MIPEP: variants seen among roughly 807,000 people sequenced by gnomAD.
MIPEP encodes mitochondrial intermediate peptidase.
Under a neutral mutation model 90.3 loss-of-function variants are expected in MIPEP, and 79 were observed. The observed-to-expected ratio is 0.87, with a 90% CI of 0.73 to 1.05. The LOEUF (loss-of-function observed/expected upper bound fraction) is 1.05, where lower values mean the gene tolerates loss of function less well. MIPEP is among the 50% of genes least tolerant of loss of function. The pLI is 0.00. For missense variants in MIPEP, 940 were observed against 905.6 expected (o/e 1.04, Z -0.49); for synonymous variants, 334 against 315.8 (o/e 1.06, Z -0.61).
At chr13:23,880,852 C>G (rs888847200) in intron 3 of MIPEP, among the ~76,000 whole-genome samples, 2 of 152,222 alleles carry the variant, frequency 1.3e-5, no homozygotes, top group African/African-American at 4.8e-5. Flanking sequence ...ACCAGAGAAG[C>G]CATCACTCTC....
Position 23,886,476 on chromosome 13 carries a change from G to A in MIPEP, c.220C>T (p.Pro74Ser), listed in dbSNP as rs1472536586. 6.3e-7 allele frequency: 1 copy of A among 1,597,638 alleles called. No individual in the cohort carries two copies. Among genetic ancestry groups the A allele is most frequent in the Non-Finnish European group, 8.5e-7 (1 of 1,171,384 alleles). ...GLFGVPELSA[P>S]EGFHIAQEKA... ...TCTTGTGCAATATGAAATCCTTCTG[G>A]GGCACTCAGCTCAGGAACTCCAAAA... Residue 74 changes from proline (P) to serine (S), a missense_variant, in exon 2 of 19, where the codon CCA (proline) becomes TCA (serine). Pro to Ser is a moderately conservative substitution (Grantham distance 74, BLOSUM62 -1). Transcript: ENST00000382172.
intron 10 of MIPEP, among the ~76,000 whole-genome samples, chr13:23,856,030 A>G (rs1266560585): frequency 6.6e-6 from 1 of 152,224 alleles, no homozygotes; most frequent in African/African-American, 2.4e-5. Flanking sequence ...AAGTTTGAAT[A>G]GGGGCTATGA....
intron 16 of MIPEP, among the ~76,000 whole-genome samples, chr13:23,779,798 C>T (rs78027110): frequency 2.6e-5 from 4 of 152,310 alleles, no homozygotes; most frequent in East Asian, 1.9e-4. Context: ...AAACGGCACA[C>T]GAGGAGATTA....
chr13:23,875,553 T>C (rs1871036528), intron 4 of MIPEP, among the ~76,000 whole-genome samples: 1 of 151,886 alleles, frequency 6.6e-6, no homozygotes, highest in African/African-American at 2.4e-5. Context: ...TCAATGGTAT[T>C]TTTTTTAAAA....
intron 15 of MIPEP, among the ~76,000 whole-genome samples, chr13:23,807,068 G>A (rs1294816812): frequency 6.6e-6 from 1 of 152,110 alleles, no homozygotes; most frequent in Non-Finnish European, 1.5e-5. Flanking sequence ...CTGCTGTATA[G>A]GGAGGGCTCA....
At chr13:23,766,179 T>G (rs9553055) in intron 16 of MIPEP, 27,061 of 152,218 alleles carry the variant, frequency 0.18, 2,834 homozygotes, top group Non-Finnish European at 0.24. Flanking sequence ...AATAGTTCTT[T>G]GACTACATTA....
At chr13:23,802,263 A>C (rs962894898) in intron 16 of MIPEP, among the ~76,000 whole-genome samples, 6 of 152,174 alleles carry the variant, frequency 3.9e-5, no homozygotes, top group African/African-American at 4.8e-5. Flanking sequence ...TGTTTATTCA[A>C]AGTAATTTAA....
intron 14 of MIPEP, among the ~76,000 whole-genome samples, chr13:23,826,226 T>C (rs991341116): frequency 6.6e-6 from 1 of 152,138 alleles, no homozygotes; most frequent in Non-Finnish European, 1.5e-5. Flanking sequence ...GGAAATTATA[T>C]ATCTATCATT....
chr13:23,797,805 T>C (rs776663760), intron 16 of MIPEP, among the ~76,000 whole-genome samples: 10 of 152,242 alleles, frequency 6.6e-5, no homozygotes, highest in Non-Finnish European at 8.8e-5. Flanking sequence ...AGCCTCGGTA[T>C]TAGTTGTATA....
At position 23,881,547 on chromosome 13, in the gene MIPEP, T is replaced by C. The variant is rs3794340; in HGVS notation, c.452+152A>G. On this transcript the variant is annotated intron_variant, in intron 3 of 18. Transcript: ENST00000382172. ...TGCGAGGTGAGCCAATGGCCTGTCC[T>C]GAGCCCTCCCTCCGGCCACCCCTGG... 0.24 allele frequency: 158,522 copies of C among 649,636 alleles called. 20,868 individuals are homozygous for C. Among genetic ancestry groups the C allele is most frequent in the East Asian group, 0.42 (15,093 of 36,198 alleles). The allele number at this position is 649,636 out of a possible 1,614,324, so 40.2% of individuals were successfully genotyped here. A position where few individuals can be genotyped will look rare whatever the true frequency, so the allele number is the denominator to read the frequency against.
At chr13:23,798,888 T>C (rs972638965) in intron 16 of MIPEP, among the ~76,000 whole-genome samples, 3 of 152,022 alleles carry the variant, frequency 2.0e-5, no homozygotes, top group Non-Finnish European at 2.9e-5. Flanking sequence ...AAACCTCTTT[T>C]CCGTATAAAT....
chr13:23,805,096 C>G (rs1160410550), intron 16 of MIPEP, among the ~76,000 whole-genome samples: 1 of 152,244 alleles, frequency 6.6e-6, no homozygotes, highest in Admixed American at 6.5e-5. Flanking sequence ...CTGCACCTTT[C>G]AGTTACAAGA....
At chr13:23,748,485 G>T (rs1478528429) in intron 18 of MIPEP, among the ~76,000 whole-genome samples, 1 of 152,166 alleles carries the variant, frequency 6.6e-6, no homozygotes, top group Non-Finnish European at 1.5e-5. Context: ...ACAAAGCAGA[G>T]TAAGGGGGTA....
chr13:23,865,250 A>G (rs2137508092), intron 7 of MIPEP, among the ~76,000 whole-genome samples: 1 of 152,322 alleles, frequency 6.6e-6, no homozygotes, highest in East Asian at 1.9e-4. Context: ...CACAAACACT[A>G]TGTTTGTATT....
chr13:23,861,840 C>A (rs2137502136), intron 9 of MIPEP, among the ~76,000 whole-genome samples: 1 of 152,266 alleles, frequency 6.6e-6, no homozygotes, highest in African/African-American at 2.4e-5. Flanking sequence ...TTGAAAACAA[C>A]ACTTAAGTGT....
chr13:23,889,308 C>G lies in MIPEP; in HGVS notation c.13G>C (p.Gly5Arg). The G allele has an allele frequency of 7.4e-7, 1 of 1,347,754 alleles. No individual in the cohort carries two copies. 83.5% of individuals were successfully genotyped at this position (1,347,754 alleles called of 1,614,324 possible). The change falls in exon 1 of 19, where the codon GGA becomes CGA. Residue 5 changes from glycine to arginine, a missense_variant. By Grantham distance (125) the Gly-to-Arg change is moderately radical (BLOSUM62 -2). Transcript: ENST00000382172. The part of the protein sequence containing the change: MLCV[G>R]RLGGLGARAA... ...CTGGCTCCCAAGCCGCCCAGCCTTC[C>G]GACGCACAGCATTCTAGCACCAGAG...
At chr13:23,843,119 A>G (rs1214376149) in intron 10 of MIPEP, among the ~76,000 whole-genome samples, 4 of 150,398 alleles carry the variant, frequency 2.7e-5, no homozygotes, top group Admixed American at 2.0e-4. Flanking sequence ...AAAAAAAAAA[A>G]GGAATCAGAC....
intron 16 of MIPEP, among the ~76,000 whole-genome samples, chr13:23,798,480 C>T (rs887945890): frequency 2.6e-5 from 4 of 152,164 alleles, no homozygotes; most frequent in African/African-American, 9.7e-5. Context: ...CACACACCTA[C>T]TCAAAAAGAT....
intron 10 of MIPEP, among the ~76,000 whole-genome samples, chr13:23,847,931 A>G (rs1248159720): frequency 6.6e-6 from 1 of 152,260 alleles, no homozygotes; most frequent in African/African-American, 2.4e-5. Context: ...TATTCCTTAC[A>G]TGATTCTGTG....
Sources: gnomAD v4.1 joint callset for allele counts (sites outside exome capture counted in the v4.1 genomes callset) on GRCh38, gnomAD v4.1.1 for gene constraint, MANE v1.5 for transcripts, NCBI Gene and HGNC (gene_info 2026-07-23, HGNC 2026-07-21) for gene names.